Variants in GAK observed in about 807,000 individuals in gnomAD.
GAK encodes cyclin-G-associated kinase.
Under a neutral mutation model 143.9 loss-of-function variants are expected in GAK, and 79 were observed. The observed-to-expected ratio is 0.55, with a 90% confidence interval of 0.46 to 0.66. GAK has a LOEUF of 0.66. Among genes scored for constraint, GAK ranks in the 30% least tolerant of loss-of-function variants. GAK has a pLI of 0.00. For synonymous variants in GAK, 881 were observed against 765.5 expected, an observed-to-expected ratio of 1.15 and a Z score of -2.49; for missense variants, 1,693 against 1,779.7, an observed-to-expected ratio of 0.95 and a Z score of 0.88.
intron 15 of GAK, among the ~76,000 whole-genome samples, chr4:879,541 G>A (rs1431150642): frequency 3.3e-5 from 5 of 152,182 alleles, no homozygotes; most frequent in Non-Finnish European, 7.3e-5. Flanking sequence ...CCTTGCGGCT[G>A]ACATCTTTCT....
rs765301231 is a variant in GAK, at chr4:865,154, G to A, written c.3134C>T (p.Ala1045Val). 83 of 1,611,048 alleles carry A rather than the reference G, an allele frequency of 5.2e-5. No individual in the cohort carries two copies. Among genetic ancestry groups the A allele is most frequent in the Middle Eastern group, 1.7e-4 (1 of 6,048 alleles). Residue 1045 changes from alanine to valine, a missense_variant, in exon 23 of 28, where the codon GCA (alanine) becomes GTA (valine). By Grantham distance (64) the Ala-to-Val change is moderately conservative (BLOSUM62 0). Around this residue, in one of 2 missense-constraint regions of GAK, gnomAD observed 822 missense variants for 788.7 expected, o/e 1.04. Transcript: ENST00000314167. ...GGCTGGCGTGGGGGCCACTGCCGAT[G>A]CTGCAGTCTCGGTCCAGGCAGCCCA... ...GGWAAWTETA[A>V]SAVAPTPATE...
Position 866,604 on chromosome 4 carries a change from G to A in GAK, c.2873-70C>T. ...GAAGACAAAGGAGCCCAGCTCTGGA[G>A]TCAGGCCTGCCCAAGAGGCCACTCC... On this transcript the variant is annotated intron_variant, in intron 21 of 27. Coordinates refer to ENST00000314167, the MANE Select transcript of GAK (RefSeq NM_005255.4). 2.6e-6 allele frequency: 4 copies of A among 1,532,086 alleles called. No individual in the cohort carries two copies. The South Asian group carries it at 3.7e-5, about 14-fold the overall frequency. 94.9% of individuals were successfully genotyped at this position (1,532,086 alleles called of 1,614,324 possible). A position where few individuals can be genotyped will look rare whatever the true frequency, so the allele number is the denominator to read the frequency against.
At chr4:907,654 T>G (rs1436188023) in intron 4 of GAK, among the ~76,000 whole-genome samples, 3 of 152,014 alleles carry the variant, frequency 2.0e-5, no homozygotes, top group African/African-American at 7.3e-5. Context: ...ACTGGAGGGG[T>G]TGCCTCATGG....
intron 12 of GAK, 138 bp downstream of exon 12, chr4:883,899 C>T: frequency 4.8e-6 from 4 of 836,900 alleles, no homozygotes; most frequent in Middle Eastern, 3.4e-4. Flanking sequence ...TGCCAAGGGG[C>T]CCCAGGTCAC....
Position 867,041 on chromosome 4 carries a change from C to G in GAK, c.2787G>C (p.Leu929=), listed in dbSNP as rs778508177. 3 of 1,517,382 alleles carry G rather than the reference C, an allele frequency of 2.0e-6. No individual in the cohort carries two copies. The Admixed American group carries it at 6.4e-5, about 32-fold the overall frequency. 94.0% of individuals were successfully genotyped at this position (1,517,382 alleles called of 1,614,324 possible). The change falls in exon 21 of 28, where the codon CTG becomes CTC. Residue 929 remains leucine (L), a synonymous_variant. Transcript: ENST00000314167. The part of the protein sequence containing the change: ...EAASQGPPED[L]LSEDPLLLAS... ...CCAGGAGCAGCGGGTCCTCGCTGAG[C>G]AGATCCTCCGGGGGCCCCTGGGAGG...
At chr4:866,886 C>T in intron 21 of GAK, 70 bp downstream of exon 21, 1 of 1,160,788 alleles carries the variant, frequency 8.6e-7, no homozygotes, top group Non-Finnish European at 1.2e-6. Flanking sequence ...CACGCCCATG[C>T]AGTGAGAATG....
intron 7 of GAK, among the ~76,000 whole-genome samples, chr4:896,123 G>A (rs1718720901): frequency 6.6e-6 from 1 of 152,196 alleles, no homozygotes; most frequent in Non-Finnish European, 1.5e-5. Flanking sequence ...TAATAGCCGG[G>A]CATGGTGGTG....
At chr4:892,207 T>C (rs1257504476) in intron 9 of GAK, among the ~76,000 whole-genome samples, 2 of 152,166 alleles carry the variant, frequency 1.3e-5, no homozygotes, top group Non-Finnish European at 2.9e-5. Flanking sequence ...TCAGCTCCAC[T>C]GCAGTGGCCC....
rs1249553439 is a variant in GAK at position 894,007 on chromosome 4, GGCCTGCGGGGA to G, written c.742-9_743del. 1 of 1,601,682 alleles carries G rather than the reference GGCCTGCGGGGA, an allele frequency of 6.2e-7. No individual in the cohort carries two copies. Among genetic ancestry groups the G allele is most frequent in the Non-Finnish European group, 8.5e-7 (1 of 1,174,300 alleles). Reference sequence around the variant, plus strand: ...ACAGCAGGTACAAGATGCAGCCCAGGGCCTGCGGGGAGAGCAGGGGTGATGCCTAGGCCCAC... The same window carrying G: ...ACAGCAGGTACAAGATGCAGCCCAGGGAGCAGGGGTGATGCCTAGGCCCAC... On this transcript the variant is annotated splice_acceptor_variant and splice_polypyrimidine_tract_variant and coding_sequence_variant and intron_variant, in exon 8 of 28. Transcript: ENST00000314167. LOFTEE classifies it high-confidence loss of function.
intron 9 of GAK, among the ~76,000 whole-genome samples, chr4:891,274 T>C (rs1294504859): frequency 6.6e-6 from 1 of 151,434 alleles, no homozygotes; most frequent in Non-Finnish European, 1.5e-5. Flanking sequence ...TTTTCTTTTT[T>C]TTTTTTTTGA....
chr4:875,466 C>T (rs553042781), intron 18 of GAK, among the ~76,000 whole-genome samples: 4 of 152,356 alleles, frequency 2.6e-5, no homozygotes, highest in Non-Finnish European at 5.9e-5. Context: ...AGGCCAGCAC[C>T]CCTCCCAAGG....
rs1175292545 is a variant in GAK, at chr4:890,613, G to C, written c.1000C>G (p.Gln334Glu). ...GTGGCGCTCCCGTAGCCTCCATTCT[G>C]CTCCAGGAGCTGTGACAATGAAAAT... The part of the protein sequence containing the change: ...PKSPITELLE[Q>E]NGGYGSATLS... The change falls in exon 10 of 28, where the codon CAG becomes GAG. Residue 334 changes from glutamine (Q) to glutamate (E), a missense_variant. By Grantham distance (29) the Gln-to-Glu change is conservative (BLOSUM62 2). Around this residue, in one of 2 missense-constraint regions of GAK, gnomAD observed 871 missense variants for 991.0 expected, o/e 0.88. Transcript: ENST00000314167. 1.9e-6 allele frequency: 3 copies of C among 1,610,432 alleles called. No individual in the cohort carries two copies. The African/African-American group carries it at 4.0e-5, about 22-fold the overall frequency.
At chr4:908,607 CT>C in intron 4 of GAK, among the ~76,000 whole-genome samples, 1 of 31,202 alleles carries the variant, frequency 3.2e-5, no homozygotes, top group South Asian at 1.8e-3. Context: ...CATAGTGAGA[CT>C]CTGTCTCTAA....
intron 26 of GAK, chr4:850,342 TGGTGGTGCAACCCCTTGGCCCATCCCA>T (rs1747899449): frequency 5.1e-6 from 2 of 388,718 alleles, no homozygotes; most frequent in Non-Finnish European, 9.3e-6. Context: ...ACCCTGGTTC[TGGTGGTGCAACCCCTTGGCCCATCCCA>T]GGCCCCAGAC....
At chr4:856,573 CAG>C (rs1431158543) in intron 24 of GAK, among the ~76,000 whole-genome samples, 3 of 146,176 alleles carry the variant, frequency 2.1e-5, no homozygotes, top group African/African-American at 5.1e-5. Context: ...CTGCTCACCA[CAG>C]CTGCTCACCA....
intron 11 of GAK, among the ~76,000 whole-genome samples, chr4:885,467 G>A (rs541939832): frequency 2.8e-4 from 43 of 152,310 alleles, no homozygotes; most frequent in African/African-American, 9.6e-4. Context: ...TTAAGCAAAG[G>A]TGGGCATTGA....
chr4:921,735 T>C (rs903048229), intron 1 of GAK, among the ~76,000 whole-genome samples: 2 of 151,822 alleles, frequency 1.3e-5, no homozygotes, highest in African/African-American at 4.8e-5. Context: ...AAAAAGATCC[T>C]GTTTAGGGGA....
chr4:868,501 G>A (rs1451855229), intron 20 of GAK, 38 bp downstream of exon 20: 4 of 1,591,872 alleles, frequency 2.5e-6, no homozygotes, highest in African/African-American at 1.3e-5. Flanking sequence ...CCAGGGGCCT[G>A]CCCTCTGCAA....
At chr4:921,761 C>T (rs1405627685) in intron 1 of GAK, among the ~76,000 whole-genome samples, 6 of 151,546 alleles carry the variant, frequency 4.0e-5, no homozygotes, top group South Asian at 4.2e-4. Flanking sequence ...GGACAAGCTG[C>T]AGACTAGGAA....
Sources: gnomAD v4.1 joint callset for allele counts (sites outside exome capture counted in the v4.1 genomes callset) on GRCh38, gnomAD v4.1.1 for gene constraint, gnomAD v4.1.1 regional missense constraint, MANE v1.5 for transcripts, NCBI Gene and HGNC (gene_info 2026-07-23, HGNC 2026-07-21) for gene names.